The following CUL5 variants were observed in gnomAD, a reference collection of about 807,000 sequenced individuals.
CUL5 encodes cullin 5.
A neutral mutation model predicts 108.8 loss-of-function variants in CUL5; 26 were observed. The ratio of observed to expected loss-of-function variants is 0.24; its 90% confidence interval spans 0.18 to 0.33. The LOEUF (loss-of-function observed/expected upper bound fraction) is 0.33, where lower values mean the gene tolerates loss of function less well. Among genes scored for constraint, CUL5 ranks in the 10% least tolerant of loss-of-function variants. The probability of loss-of-function intolerance (pLI) is 1.00; values close to 1 mark genes in which losing one functional copy is unlikely to be tolerated. For synonymous variants in CUL5, 334 were observed against 298.0 expected, an observed-to-expected ratio of 1.12 and a Z score of -1.25; for missense variants, 524 against 909.2, an observed-to-expected ratio of 0.58 and a Z score of 5.45.
chr11:108,026,435 A>C (rs1862453040), intron 1 of CUL5, among the ~76,000 whole-genome samples: 1 of 152,008 alleles, frequency 6.6e-6, no homozygotes, highest in Admixed American at 6.6e-5. Flanking sequence ...TTTCCACATC[A>C]CTGGGAAATT....
intron 10 of CUL5, among the ~76,000 whole-genome samples, chr11:108,077,630 C>CAAA (rs35289099): frequency 2.2e-5 from 3 of 136,666 alleles, no homozygotes; most frequent in Non-Finnish European, 4.7e-5. Context: ...ACTCTGTCTC[C>CAAA]AAAAAAAAAA....
At position 108,105,860 on chromosome 11, in the gene CUL5, G is replaced by A. The variant is rs1864786842; in HGVS notation, c.*1476G>A. On this transcript the variant is annotated 3_prime_UTR_variant, in exon 19 of 19. Transcript: ENST00000393094. Reference sequence around the variant, plus strand: ...GAAATGGAGTACAGAAAGGCATACAGTATTATGTTACAGTGGAGTGCTTTC... The same window carrying A: ...GAAATGGAGTACAGAAAGGCATACAATATTATGTTACAGTGGAGTGCTTTC... 2 of 152,164 alleles carry A rather than the reference G, an allele frequency of 1.3e-5. No homozygotes were observed. Among genetic ancestry groups the A allele is most frequent in the African/African-American group, 2.4e-5 (1 of 41,448 alleles). 9.4% of individuals were successfully genotyped at this position (152,164 alleles called of 1,614,324 possible).
At chr11:108,079,458 T>A (rs1864018850) in intron 11 of CUL5, among the ~76,000 whole-genome samples, 1 of 152,234 alleles carries the variant, frequency 6.6e-6, no homozygotes, top group African/African-American at 2.4e-5. Flanking sequence ...GTTACTATGG[T>A]TGCTTTATCA....
intron 13 of CUL5, among the ~76,000 whole-genome samples, chr11:108,090,256 AGGCAG>A (rs1864318600): frequency 6.6e-6 from 1 of 152,194 alleles, no homozygotes; most frequent in Admixed American, 6.5e-5. Flanking sequence ...TGGGAGGCCA[AGGCAG>A]GTGGATCACA....
intron 7 of CUL5, among the ~76,000 whole-genome samples, chr11:108,063,951 C>T (rs1440453555): frequency 2.0e-5 from 3 of 152,128 alleles, no homozygotes; most frequent in Non-Finnish European, 4.4e-5. Context: ...GATGATGTCT[C>T]GTTGTAGGTA....
At chr11:108,093,241 T>C (rs1864400544) in intron 13 of CUL5, among the ~76,000 whole-genome samples, 1 of 152,094 alleles carries the variant, frequency 6.6e-6, no homozygotes, top group African/African-American at 2.4e-5. Flanking sequence ...TTTCTTTGCC[T>C]TGGAGAGTTG....
At chr11:108,081,166 T>C (rs577783981) in intron 11 of CUL5, among the ~76,000 whole-genome samples, 3 of 151,952 alleles carry the variant, frequency 2.0e-5, no homozygotes, top group South Asian at 4.2e-4. Flanking sequence ...CTCATGCCTG[T>C]GATCCCAGCT....
chr11:108,058,539 C>T (rs139890728), intron 7 of CUL5, among the ~76,000 whole-genome samples: 2,029 of 151,610 alleles, frequency 0.013, 43 homozygotes, highest in African/African-American at 0.046. Flanking sequence ...TGAGCCACTG[C>T]ACCCGGCCCA....
Position 108,095,530 on chromosome 11 carries a change from A to T in CUL5, c.1744A>T (p.Ile582Leu). Residue 582 changes from isoleucine (I) to leucine (L), a missense_variant and splice_region_variant, in exon 16 of 19, where the codon ATA (isoleucine) becomes TTA (leucine). Ile to Leu is a conservative substitution (Grantham distance 5). Coordinates refer to ENST00000393094, the MANE Select transcript of CUL5 (RefSeq NM_003478.6). ...TAAAAATCTGTTTTATCTATTATAG[A>T]TAACATTTAAGAATGAAGTTGGTCA... The part of the protein sequence containing the change: ...HWHHLMSNGI[I>L]TFKNEVGQYD... 6.3e-7 allele frequency: 1 copy of T among 1,587,226 alleles called. No homozygotes were observed. The highest frequency in any genetic ancestry group is 8.6e-7 in the Non-Finnish European group (1 of 1,159,386).
At chr11:108,050,133 A>G in intron 4 of CUL5, 67 bp downstream of exon 4, 1 of 1,388,798 alleles carries the variant, frequency 7.2e-7, no homozygotes, top group Non-Finnish European at 9.8e-7. Context: ...AAGCATTTGA[A>G]AGTAATTTGA....
Position 108,104,235 on chromosome 11 carries a change from G to A in CUL5, c.2194G>A (p.Ala732Thr). The change falls in exon 19 of 19, where the codon GCT (alanine) becomes ACT (threonine). Residue 732 changes from alanine (A) to threonine (T), a missense_variant. Coordinates refer to ENST00000393094, the MANE Select transcript of CUL5 (RefSeq NM_003478.6). ...IMKMRKKISN[A>T]QLQTELVEIL... ...GAAAATGAGAAAGAAAATTAGTAAT[G>A]CTCAGCTGCAGACTGAATTAGTAGA... 6.3e-7 allele frequency: 1 copy of A among 1,593,490 alleles called. No individual in the cohort carries two copies. Among genetic ancestry groups the A allele is most frequent in the South Asian group, 1.2e-5 (1 of 85,754 alleles).
intron 11 of CUL5, 138 bp from the exon 12 acceptor site, chr11:108,088,389 T>TAA: frequency 1.1e-6 from 1 of 884,174 alleles, no homozygotes; most frequent in Non-Finnish European, 1.7e-6. Flanking sequence ...CACCCTAGGA[T>TAA]GCTTGCTTAT....
intron 2 of CUL5, among the ~76,000 whole-genome samples, chr11:108,039,761 A>T (rs987141931): frequency 6.6e-6 from 1 of 152,162 alleles, no homozygotes; most frequent in Non-Finnish European, 1.5e-5. Context: ...GGGCTTGGTT[A>T]TTCAGTTCAG....
intron 2 of CUL5, among the ~76,000 whole-genome samples, chr11:108,042,981 G>A (rs902533759): frequency 6.6e-6 from 1 of 152,090 alleles, no homozygotes; most frequent in Admixed American, 6.6e-5. Flanking sequence ...CAGGTTGGTT[G>A]CGAACTCCTG....
At chr11:108,059,326 A>G (rs1475679717) in intron 7 of CUL5, among the ~76,000 whole-genome samples, 1 of 152,212 alleles carries the variant, frequency 6.6e-6, no homozygotes, top group African/African-American at 2.4e-5. Flanking sequence ...ATAATAAGAT[A>G]GACCTAGTCC....
Position 108,104,659 on chromosome 11 carries a change from T to A in CUL5, c.*275T>A. ...ATCAACTTTTAAAAGTGAATTTGAT[T>A]TGTACCCACCAGGAGAAATACAGTT... On this transcript the variant is annotated 3_prime_UTR_variant, in exon 19 of 19. Transcript: ENST00000393094. The A allele has an allele frequency of 4.2e-6, 1 of 239,932 alleles. No individual in the cohort carries two copies. The highest frequency in any genetic ancestry group is 7.9e-6 in the Non-Finnish European group (1 of 126,480). The allele number at this position is 239,932 out of a possible 1,614,324, so 14.9% of individuals were successfully genotyped here.
chr11:108,070,044 A>G, intron 7 of CUL5, 52 bp from the exon 8 acceptor site: 1 of 1,126,130 alleles, frequency 8.9e-7, no homozygotes, highest in Non-Finnish European at 1.3e-6. Context: ...GTTAGAATAG[A>G]TTTGTGCTAT....
At chr11:108,080,701 C>T (rs1237802825) in intron 11 of CUL5, among the ~76,000 whole-genome samples, 1 of 151,842 alleles carries the variant, frequency 6.6e-6, no homozygotes, top group East Asian at 1.9e-4. Flanking sequence ...GCCCTTTTGG[C>T]CATTTTTAAT....
At chr11:108,049,503 A>C (rs1457322168) in intron 3 of CUL5, among the ~76,000 whole-genome samples, 2 of 151,556 alleles carry the variant, frequency 1.3e-5, no homozygotes, top group Non-Finnish European at 2.9e-5. Context: ...CAACACACCC[A>C]GCTAATTTTT....
Sources: gnomAD v4.1 joint callset for allele counts (sites outside exome capture counted in the v4.1 genomes callset) on GRCh38, gnomAD v4.1.1 for gene constraint, MANE v1.5 for transcripts, NCBI Gene and HGNC (gene_info 2026-07-23, HGNC 2026-07-21) for gene names.